Variants in POPDC2 observed in about 807,000 individuals in gnomAD.
POPDC2 encodes popeye domain-containing protein 2.
A neutral mutation model predicts 30.5 loss-of-function variants in POPDC2; 24 were observed. That is an observed-to-expected ratio of 0.79 (90% CI 0.57 to 1.11). The LOEUF (loss-of-function observed/expected upper bound fraction) is 1.11, where lower values mean the gene tolerates loss of function less well. POPDC2 is among the 50% of genes least tolerant of loss of function. POPDC2 has a pLI of 0.00. For missense variants in POPDC2, 409 were observed against 447.0 expected (o/e 0.91, Z 0.77); for synonymous variants, 185 against 183.3 (o/e 1.01, Z -0.07).
Position 119,648,031 on chromosome 3 carries a change from T to C in POPDC2, c.*43+88A>G, listed in dbSNP as rs189086118. On this transcript the variant is annotated intron_variant, in intron 3 of 3. Coordinates refer to ENST00000493094, the MANE Select transcript of POPDC2 (RefSeq NM_001369919.2). ...TCTGTGAGTCCTCTAAGAGGAAATG[T>C]TCCACGAATGATTTTTTTTGCCCTA... is the stretch of plus-strand genomic sequence containing the variant. 313 of 1,105,590 alleles carry C rather than the reference T, an allele frequency of 2.8e-4. No homozygotes were observed. In the African/African-American group the frequency reaches 4.5e-3, roughly 16 times the overall value. 68.5% of individuals were successfully genotyped at this position (1,105,590 alleles called of 1,614,324 possible). A position where few individuals can be genotyped will look rare whatever the true frequency, so the allele number is the denominator to read the frequency against.
In POPDC2 at chr3:119,648,509, CAA is replaced by C; in HGVS notation, c.758_759del (p.Phe253CysfsTer2). 6.2e-7 allele frequency: 1 copy of C among 1,614,108 alleles called. No individual in the cohort carries two copies. The highest frequency in any genetic ancestry group is 1.1e-5 in the South Asian group (1 of 91,082). On this transcript the variant is annotated frameshift_variant, in exon 3 of 4. Transcript: ENST00000493094. LOFTEE classifies it high-confidence loss of function. ...EKLYTLNDKL[F>X]AKFGLRFDIR... ...ATGTCAAAGCGCAGCCCAAACTTAG[CAA>C]AGAGCTTGTCATTGAGAGTGTAGAG...
At chr3:119,654,408 C>A (rs1044754259) in intron 2 of POPDC2, 97 bp downstream of exon 2, 36 of 831,120 alleles carry the variant, frequency 4.3e-5, no homozygotes, top group Non-Finnish European at 6.5e-5. Context: ...GGCAGGGGTG[C>A]GAAGGACAGA....
At chr3:119,647,985 A>C (rs1577167789) in intron 3 of POPDC2, 134 bp downstream of exon 3, 1 of 652,346 alleles carries the variant, frequency 1.5e-6, no homozygotes, top group Admixed American at 3.4e-5. Flanking sequence ...TGCTATCTTC[A>C]AAGTTGGGTT....
chr3:119,656,835 A>G (rs2052884995), intron 1 of POPDC2, among the ~76,000 whole-genome samples: 1 of 152,152 alleles, frequency 6.6e-6, no homozygotes, highest in African/African-American at 2.4e-5. Context: ...TCCTTCCATT[A>G]TTTCTGGAGG....
chr3:119,660,831 G>A, upstream of POPDC2: 1 of 166,910 alleles, frequency 6.0e-6, no homozygotes, highest in East Asian at 1.6e-4. Context: ...GAAAAGTCCA[G>A]CAGCGTGGGA....
chr3:119,643,287 G>T, intron 3 of POPDC2: 3 of 868,348 alleles, frequency 3.5e-6, no homozygotes, highest in Non-Finnish European at 5.6e-6. Flanking sequence ...ATGAAGGAGA[G>T]CAGGCTGACA....
At chr3:119,650,924 T>C (rs1342022686) in intron 2 of POPDC2, among the ~76,000 whole-genome samples, 1 of 152,222 alleles carries the variant, frequency 6.6e-6, no homozygotes, top group Non-Finnish European at 1.5e-5. Flanking sequence ...CCTGCAGCTT[T>C]CTTTGTCTCA....
At chr3:119,656,565 G>C (rs1431556378) in intron 1 of POPDC2, among the ~76,000 whole-genome samples, 3 of 152,126 alleles carry the variant, frequency 2.0e-5, no homozygotes, top group African/African-American at 7.2e-5. Flanking sequence ...ATGAGAACTT[G>C]TTAGAACTGA....
Position 119,659,891 on chromosome 3 carries a change from G to C in POPDC2, c.491+42C>G, listed in dbSNP as rs754957330. ...GACACACTAGGAAATGAGAAGTGTG[G>C]GCTGGGGAAAGAAATTCTGGGCAAT... is the stretch of plus-strand genomic sequence containing the variant. On this transcript the variant is annotated intron_variant, in intron 1 of 3. Transcript: ENST00000493094. 5 of 1,535,012 alleles carry C rather than the reference G, an allele frequency of 3.3e-6. No homozygotes were observed. The South Asian group carries it at 6.3e-5, about 19-fold the overall frequency.
intron 1 of POPDC2, among the ~76,000 whole-genome samples, chr3:119,658,164 G>A (rs1419299758): frequency 6.6e-6 from 1 of 152,138 alleles, no homozygotes; most frequent in Admixed American, 6.5e-5. Flanking sequence ...CCAAGGTTCA[G>A]TGATTCTCCT....
chr3:119,648,824 T>C (rs1171399186), intron 2 of POPDC2, among the ~76,000 whole-genome samples, 156 bp from the exon 3 acceptor site: 3 of 152,226 alleles, frequency 2.0e-5, no homozygotes, highest in Non-Finnish European at 4.4e-5. Flanking sequence ...GGAGGTCTAG[T>C]GGATGACTTT....
At chr3:119,655,017 G>C (rs1040683677) in intron 1 of POPDC2, among the ~76,000 whole-genome samples, 1 of 152,156 alleles carries the variant, frequency 6.6e-6, no homozygotes, top group African/African-American at 2.4e-5. Context: ...AGCCAAGATA[G>C]AAACTACTGC....
intron 3 of POPDC2, among the ~76,000 whole-genome samples, chr3:119,645,205 A>T (rs1041706000): frequency 6.6e-6 from 1 of 152,208 alleles, no homozygotes; most frequent in African/African-American, 2.4e-5. Flanking sequence ...GGCATTTCAT[A>T]CGATAGTATG....
Position 119,653,479 on chromosome 3 carries a change from C to CT in POPDC2, c.600+1025dup, listed in dbSNP as rs762463587. ...CCAGTGGCAAACCAGTTCAGCAATT[C>CT]TTTTTTTTTTTTTTTTGAGACGGAG... On this transcript the variant is annotated intron_variant, in intron 2 of 3. Coordinates refer to ENST00000493094, the MANE Select transcript of POPDC2 (RefSeq NM_001369919.2). Among the ~76,000 whole-genome samples, 740 of 139,968 alleles carry CT rather than the reference C, an allele frequency of 5.3e-3. 3 individuals carry two copies. Among genetic ancestry groups the CT allele is most frequent in the African/African-American group, 7.6e-3 (291 of 38,380 alleles). The allele number at this position is 139,968 out of a possible 152,430, so 91.8% of individuals were successfully genotyped here.
chr3:119,642,288 T>C lies in POPDC2; in HGVS notation c.*317A>G. ...CAATGCCTGCTCCTGAAGGAAGGTT[T>C]GTGAGGGTGAATTTCTCAAAGTCAC... On this transcript the variant is annotated 3_prime_UTR_variant, in exon 4 of 4. Coordinates refer to ENST00000493094, the MANE Select transcript of POPDC2 (RefSeq NM_001369919.2). 1 of 469,634 alleles carries C rather than the reference T, an allele frequency of 2.1e-6. No homozygotes were observed. The highest frequency in any genetic ancestry group is 3.9e-6 in the Non-Finnish European group (1 of 256,712). 29.1% of individuals were successfully genotyped at this position (469,634 alleles called of 1,614,324 possible).
intron 2 of POPDC2, among the ~76,000 whole-genome samples, chr3:119,651,518 T>C (rs1229308276): frequency 6.6e-6 from 1 of 152,178 alleles, no homozygotes; most frequent in Non-Finnish European, 1.5e-5. Context: ...TTCAAATCCT[T>C]TTAACAGTGC....
In POPDC2 at chr3:119,642,233, T is replaced by C. The variant is rs1185337805; in HGVS notation, c.*372A>G. 2 of 329,456 alleles carry C rather than the reference T, an allele frequency of 6.1e-6. No individual in the cohort carries two copies. Among genetic ancestry groups the C allele is most frequent in the African/African-American group, 4.1e-5 (2 of 48,310 alleles). 20.4% of individuals were successfully genotyped at this position (329,456 alleles called of 1,614,324 possible). A position where few individuals can be genotyped will look rare whatever the true frequency, so the allele number is the denominator to read the frequency against. ...AACTTGCCCAAGATTCTGCAGCTGG[T>C]AAAGGACGGAATCTGTGCCTCTGCA... On this transcript the variant is annotated 3_prime_UTR_variant, in exon 4 of 4. Transcript: ENST00000493094.
At position 119,660,558 on chromosome 3, in the gene POPDC2, G is replaced by T; in HGVS notation, c.-135C>A. On this transcript the variant is annotated 5_prime_UTR_variant, in exon 1 of 4. Transcript: ENST00000493094. ...CTACCGACTCCACCTTTCCTAGAAG[G>T]AATGCTTCCGGTGGCTTTGGGAAGG... 2 of 1,026,004 alleles carry T rather than the reference G, an allele frequency of 1.9e-6. No individual in the cohort carries two copies. Among genetic ancestry groups the T allele is most frequent in the Non-Finnish European group, 2.8e-6 (2 of 725,366 alleles). The allele number at this position is 1,026,004 out of a possible 1,614,324, so 63.6% of individuals were successfully genotyped here. A position where few individuals can be genotyped will look rare whatever the true frequency, so the allele number is the denominator to read the frequency against.
Position 119,642,403 on chromosome 3 carries a change from A to G in POPDC2, c.*202T>C, listed in dbSNP as rs8007. 0.49 allele frequency: 518,478 copies of G among 1,065,548 alleles called. 128,057 individuals carry two copies. Among genetic ancestry groups the G allele is most frequent in the South Asian group, 0.59 (45,301 of 77,330 alleles). 66.0% of individuals were successfully genotyped at this position (1,065,548 alleles called of 1,614,324 possible). ...CCTTCCAGTGGGTGGGAAAAGAGGC[A>G]TGCCTATCAGTGGCCATTCTGTGAA... On this transcript the variant is annotated 3_prime_UTR_variant, in exon 4 of 4. Transcript: ENST00000493094.
Sources: gnomAD v4.1 joint callset for allele counts (sites outside exome capture counted in the v4.1 genomes callset) on GRCh38, gnomAD v4.1.1 for gene constraint, MANE v1.5 for transcripts, NCBI Gene and HGNC (gene_info 2026-07-23, HGNC 2026-07-21) for gene names.